Variants in TAFA2 observed in about 807,000 individuals in gnomAD.
TAFA2 encodes chemokine-like protein TAFA-2.
TAFA2 carries 7 observed loss-of-function variants against 18.8 expected under a neutral mutation model. The ratio of observed to expected loss-of-function variants is 0.37; its 90% CI spans 0.21 to 0.70. TAFA2 has a LOEUF of 0.70. Among genes scored for constraint, TAFA2 ranks in the 30% least tolerant of loss-of-function variants. TAFA2 has a pLI of 0.53. For missense variants in TAFA2, 122 were observed against 158.1 expected (o/e 0.77, Z 1.23); for synonymous variants, 60 against 54.2 (o/e 1.11, Z -0.47).
In TAFA2 at chr12:62,191,490, A is replaced by G. The variant is rs2062624519; in HGVS notation, c.-233T>C. On this transcript the variant is annotated 5_prime_UTR_variant, in exon 1 of 5. Coordinates refer to ENST00000416284, the MANE Select transcript of TAFA2 (RefSeq NM_178539.5). ...GTGTGTGGATGTGTTTCCTCCTCCG[A>G]TGGCAAAGACGGTTCAGGAATCTGA... The G allele has an allele frequency of 6.6e-6, 1 of 152,474 alleles. No homozygotes were observed. The allele number at this position is 152,474 out of a possible 1,614,324, so 9.4% of individuals were successfully genotyped here. A position where few individuals can be genotyped will look rare whatever the true frequency, so the allele number is the denominator to read the frequency against.
intron 1 of TAFA2, among the ~76,000 whole-genome samples, chr12:61,898,711 G>A (rs1428996123): frequency 1.3e-5 from 2 of 152,182 alleles, no homozygotes; most frequent in African/African-American, 4.8e-5. Flanking sequence ...GCCAGTGATG[G>A]GAGGGCCTGC....
At chr12:62,250,332 A>G (rs954715648) in intron 1 of TAFA2, among the ~76,000 whole-genome samples, 1 of 152,158 alleles carries the variant, frequency 6.6e-6, no homozygotes, top group African/African-American at 2.4e-5. Context: ...CGCATTTTTA[A>G]AATAAGGAAC....
intron 1 of TAFA2, among the ~76,000 whole-genome samples, chr12:61,899,598 T>C (rs975825293): frequency 2.0e-5 from 3 of 152,082 alleles, no homozygotes; most frequent in Non-Finnish European, 4.4e-5. Flanking sequence ...TGGGAATCTG[T>C]CTCCATGATC....
intron 1 of TAFA2, among the ~76,000 whole-genome samples, chr12:62,251,663 A>G (rs1293085455): frequency 6.6e-6 from 1 of 152,216 alleles, no homozygotes; most frequent in Non-Finnish European, 1.5e-5. Flanking sequence ...ATTAATTTAT[A>G]AAAAGAACTT....
chr12:62,151,159 C>T (rs80347444), intron 1 of TAFA2, among the ~76,000 whole-genome samples: 7,195 of 152,294 alleles, frequency 0.047, 254 homozygotes, highest in Non-Finnish European at 0.073. Context: ...TTCTTTTAGG[C>T]AGGAAGGGTA....
At chr12:61,820,439 T>G (rs989443825) in intron 2 of TAFA2, among the ~76,000 whole-genome samples, 1 of 151,920 alleles carries the variant, frequency 6.6e-6, no homozygotes, top group African/African-American at 2.4e-5. Context: ...GTGGTACGTA[T>G]GTAACTATCT....
intron 4 of TAFA2, among the ~76,000 whole-genome samples, chr12:61,719,307 A>G (rs1255496593): frequency 6.6e-6 from 1 of 152,184 alleles, no homozygotes; most frequent in Non-Finnish European, 1.5e-5. Flanking sequence ...ATAGACATAA[A>G]CAATTGCCAG....
At chr12:62,037,845 T>C (rs1233059465) in intron 1 of TAFA2, among the ~76,000 whole-genome samples, 1 of 152,212 alleles carries the variant, frequency 6.6e-6, no homozygotes, top group Non-Finnish European at 1.5e-5. Context: ...CAGTCTCCCC[T>C]AATAAATCAA....
chr12:62,160,140 T>G (rs1241598426), intron 1 of TAFA2, among the ~76,000 whole-genome samples: 3 of 152,208 alleles, frequency 2.0e-5, no homozygotes, highest in African/African-American at 7.2e-5. Flanking sequence ...TCTGAAGCTC[T>G]TTTTGTCAAA....
chr12:61,766,320 C>T (rs1869787760), intron 2 of TAFA2, among the ~76,000 whole-genome samples: 1 of 152,094 alleles, frequency 6.6e-6, no homozygotes, highest in Admixed American at 6.6e-5. Context: ...CTTCACTTTC[C>T]TGTGCACATG....
At chr12:61,874,960 G>C (rs1874779054) in intron 1 of TAFA2, among the ~76,000 whole-genome samples, 1 of 151,944 alleles carries the variant, frequency 6.6e-6, no homozygotes, top group African/African-American at 2.4e-5. Context: ...TGAACTTAAA[G>C]AAAGATGTGA....
At chr12:61,911,531 A>T (rs1335636351) in intron 1 of TAFA2, among the ~76,000 whole-genome samples, 1 of 152,232 alleles carries the variant, frequency 6.6e-6, no homozygotes, top group African/African-American at 2.4e-5. Flanking sequence ...AAATTCCACA[A>T]GGAATTCATT....
intron 1 of TAFA2, among the ~76,000 whole-genome samples, chr12:61,953,464 AAC>A (rs56805563): frequency 0.073 from 11,167 of 152,184 alleles, 1,324 homozygotes; most frequent in African/African-American, 0.25. Context: ...AGGAAAATAA[AAC>A]ACACTATAAT....
At chr12:62,005,495 T>C (rs1441356466) in intron 1 of TAFA2, among the ~76,000 whole-genome samples, 1 of 152,138 alleles carries the variant, frequency 6.6e-6, no homozygotes, top group East Asian at 1.9e-4. Context: ...ATAGAGGAAA[T>C]GCATGTTTAA....
At chr12:62,160,728 A>G (rs2062400991) in intron 1 of TAFA2, among the ~76,000 whole-genome samples, 1 of 152,156 alleles carries the variant, frequency 6.6e-6, no homozygotes, top group South Asian at 2.1e-4. Context: ...TGCGTGAGTT[A>G]TCTCCAGGTA....
intron 1 of TAFA2, among the ~76,000 whole-genome samples, chr12:62,176,545 G>C (rs1177066020): frequency 6.6e-6 from 1 of 152,176 alleles, no homozygotes; most frequent in Non-Finnish European, 1.5e-5. Context: ...TGAAGAGTTA[G>C]AGCTTTTTTT....
intron 1 of TAFA2, among the ~76,000 whole-genome samples, chr12:61,957,252 A>G (rs1878728698): frequency 1.3e-5 from 2 of 152,126 alleles, no homozygotes; most frequent in South Asian, 4.1e-4. Flanking sequence ...ATAGAACCCT[A>G]ATTCTGTCCA....
intron 1 of TAFA2, among the ~76,000 whole-genome samples, chr12:62,153,509 T>C (rs2062344478): frequency 6.6e-6 from 1 of 151,600 alleles, no homozygotes; most frequent in Admixed American, 6.6e-5. Context: ...CAAAAAAAAT[T>C]AACATTAAAA....
intron 1 of TAFA2, among the ~76,000 whole-genome samples, chr12:62,150,141 C>T (rs969761830): frequency 1.3e-5 from 2 of 152,142 alleles, no homozygotes; most frequent in African/African-American, 4.8e-5. Flanking sequence ...TCTAATTCAG[C>T]CAACATGAAT....
Sources: gnomAD v4.1 joint callset for allele counts (sites outside exome capture counted in the v4.1 genomes callset) on GRCh38, gnomAD v4.1.1 for gene constraint, MANE v1.5 for transcripts, NCBI Gene and HGNC (gene_info 2026-07-23, HGNC 2026-07-21) for gene names.